Variants in FILIP1 observed in about 807,000 individuals in gnomAD.
FILIP1 encodes the protein filamin A interacting protein 1, also known as filamin-A-interacting protein 1.
FILIP1 carries 61 observed loss-of-function variants against 102.1 expected under a neutral mutation model. The observed-to-expected ratio is 0.60, with a 90% CI of 0.49 to 0.74. The LOEUF is 0.74. FILIP1 is among the 30% of genes least tolerant of loss of function. FILIP1 has a pLI of 0.00. For missense variants in FILIP1, 1,314 were observed against 1,441.2 expected, an observed-to-expected ratio of 0.91 and a Z score of 1.43; for synonymous variants, 491 against 526.9, an observed-to-expected ratio of 0.93 and a Z score of 0.93.
At chr6:75,345,998 A>C (rs1221356893) in intron 4 of FILIP1, among the ~76,000 whole-genome samples, 2 of 152,164 alleles carry the variant, frequency 1.3e-5, no homozygotes, top group African/African-American at 4.8e-5. Context: ...TTCTCAGTTA[A>C]GCCAAGTTAA....
intron 2 of FILIP1, 172 bp from the exon 3 acceptor site, chr6:75,363,089 C>A: frequency 5.6e-6 from 3 of 539,374 alleles, no homozygotes; most frequent in East Asian, 2.9e-5. Flanking sequence ...GATTGGCAAG[C>A]AGATACTCTG....
At chr6:75,310,792 C>G (rs1422356283) in intron 5 of FILIP1, among the ~76,000 whole-genome samples, 9 of 152,174 alleles carry the variant, frequency 5.9e-5, no homozygotes, top group Non-Finnish European at 1.3e-4. Context: ...CAGTATCGGA[C>G]CACCTGAGGA....
chr6:75,394,925 A>G (rs1776409514), intron 2 of FILIP1, among the ~76,000 whole-genome samples: 2 of 152,156 alleles, frequency 1.3e-5, no homozygotes, highest in African/African-American at 4.8e-5. Context: ...ATACTCCTAC[A>G]TGTGTGATAA....
At position 75,313,838 on chromosome 6, in the gene FILIP1, T is replaced by A. The variant is rs760615391; in HGVS notation, c.1994A>T (p.Gln665Leu). The A allele has an allele frequency of 1.9e-6, 3 of 1,614,078 alleles. No individual in the cohort carries two copies. The highest frequency in any genetic ancestry group is 2.5e-6 in the Non-Finnish European group (3 of 1,180,010). Reference sequence around the variant, plus strand: ...CTTATCCTGCTCAGTTCTAAATTTCTGTTCCAGCTGATCATACTCATCTTC... The same window carrying A: ...CTTATCCTGCTCAGTTCTAAATTTCAGTTCCAGCTGATCATACTCATCTTC... ...KTEDEYDQLE[Q>L]KFRTEQDKAN... Residue 665 changes from glutamine to leucine, a missense_variant, in exon 5 of 6, where the codon CAG (glutamine) becomes CTG (leucine). Gln to Leu is a moderately radical substitution (Grantham distance 113). Coordinates refer to ENST00000237172, the MANE Select transcript of FILIP1 (RefSeq NM_015687.5). The surrounding 1 kb of genome is among the most constrained non-coding windows in gnomAD (Gnocchi z 4.2).
intron 1 of FILIP1, among the ~76,000 whole-genome samples, chr6:75,431,624 C>A (rs761534827): frequency 1.3e-5 from 2 of 152,110 alleles, no homozygotes; most frequent in Non-Finnish European, 2.9e-5. Context: ...CAGAGATTTG[C>A]CAGACAGCTG....
chr6:75,401,862 G>C (rs1420322245), intron 2 of FILIP1, among the ~76,000 whole-genome samples: 3 of 152,212 alleles, frequency 2.0e-5, no homozygotes, highest in Non-Finnish European at 1.5e-5. Context: ...ACTTGAAAAT[G>C]CTCCATGTAA....
intron 4 of FILIP1, among the ~76,000 whole-genome samples, chr6:75,336,011 A>G (rs1774229902): frequency 6.6e-6 from 1 of 152,238 alleles, no homozygotes; most frequent in African/African-American, 2.4e-5. Context: ...AGCTTTCTGT[A>G]AAAGTTACAT....
chr6:75,310,142 T>C (rs1462259096), intron 5 of FILIP1, among the ~76,000 whole-genome samples: 1 of 152,240 alleles, frequency 6.6e-6, no homozygotes, highest in East Asian at 1.9e-4. Flanking sequence ...CTGCTCACCA[T>C]TCCCCAAGCA....
chr6:75,327,451 G>A (rs1204954870), intron 4 of FILIP1, among the ~76,000 whole-genome samples: 1 of 151,722 alleles, frequency 6.6e-6, no homozygotes, highest in African/African-American at 2.4e-5. Context: ...ATGTCACTCT[G>A]CTTGTAAAAG....
downstream of FILIP1, among the ~76,000 whole-genome samples, chr6:75,303,184 TAA>T (rs1014051543): frequency 5.3e-5 from 8 of 151,564 alleles, no homozygotes; most frequent in African/African-American, 1.7e-4. Context: ...TGGAGAATAA[TAA>T]GAGAAGGAGA....
intron 2 of FILIP1, among the ~76,000 whole-genome samples, chr6:75,382,165 T>C (rs1039033099): frequency 6.6e-6 from 1 of 152,242 alleles, no homozygotes; most frequent in African/African-American, 2.4e-5. Context: ...AGCATTGTTA[T>C]CTTTTTTCAA....
chr6:75,441,565 A>G (rs1778229772), intron 1 of FILIP1, among the ~76,000 whole-genome samples: 1 of 151,222 alleles, frequency 6.6e-6, no homozygotes, highest in South Asian at 2.1e-4. Context: ...GGCCGGGCAG[A>G]GGCGCCCCTC....
At chr6:75,454,361 ATCTC>A (rs1253517870) in intron 1 of FILIP1, among the ~76,000 whole-genome samples, 1 of 152,148 alleles carries the variant, frequency 6.6e-6, no homozygotes, top group Non-Finnish European at 1.5e-5. Flanking sequence ...CTTTTGCAGC[ATCTC>A]TCTTCCCTCT....
At chr6:75,394,365 T>C (rs1013685836) in intron 2 of FILIP1, among the ~76,000 whole-genome samples, 126 of 152,264 alleles carry the variant, frequency 8.3e-4, no homozygotes, top group African/African-American at 2.9e-3. Context: ...AAATTTTGTA[T>C]AATCTAAGAG....
intron 1 of FILIP1, among the ~76,000 whole-genome samples, chr6:75,448,905 A>G (rs375641484): frequency 6.6e-6 from 1 of 152,204 alleles, no homozygotes; most frequent in African/African-American, 2.4e-5. Context: ...ACTATGGAAA[A>G]CAATGTGGAG....
intron 3 of FILIP1, chr6:75,360,622 A>C (rs980100972): frequency 1.3e-5 from 2 of 152,222 alleles, no homozygotes; most frequent in African/African-American, 2.4e-5. Context: ...TAATTTACGA[A>C]GAAGGGCAGA....
At chr6:75,346,067 C>A (rs968787918) in intron 4 of FILIP1, among the ~76,000 whole-genome samples, 2 of 152,170 alleles carry the variant, frequency 1.3e-5, no homozygotes, top group African/African-American at 4.8e-5. Flanking sequence ...GTGATCAGAA[C>A]TGACATTTAG....
chr6:75,293,815 T>C (rs747970116), exon 7 of FILIP1: 3 of 152,306 alleles, frequency 2.0e-5, no homozygotes, highest in East Asian at 3.9e-4. Flanking sequence ...GGTACAAACA[T>C]TGGCAAATAG....
At chr6:75,424,216 A>T (rs975984723) in intron 1 of FILIP1, among the ~76,000 whole-genome samples, 4 of 152,190 alleles carry the variant, frequency 2.6e-5, no homozygotes, top group Non-Finnish European at 1.5e-5. Flanking sequence ...CCATCACATC[A>T]ATACTACTGC....
Sources: gnomAD v4.1 joint callset for allele counts (sites outside exome capture counted in the v4.1 genomes callset) on GRCh38, gnomAD v4.1.1 for gene constraint, Gnocchi (gnomAD v3.1) non-coding constraint, MANE v1.5 for transcripts, NCBI Gene and HGNC (gene_info 2026-07-23, HGNC 2026-07-21) for gene names.